Variants in GSG1L observed in about 807,000 individuals in gnomAD.
GSG1L encodes the protein germ cell-specific gene 1-like protein.
In GSG1L, 24 loss-of-function variants were observed where a neutral mutation model predicts 42.1. That is an observed-to-expected ratio of 0.57 (90% CI 0.41 to 0.80). The LOEUF (loss-of-function observed/expected upper bound fraction) is 0.80, where lower values mean the gene tolerates loss of function less well. Ranked by LOEUF, GSG1L falls within the 30% of genes least tolerant of loss-of-function variation. The probability of loss-of-function intolerance (pLI) is 0.00; values close to 1 mark genes in which losing one functional copy is unlikely to be tolerated. For synonymous variants in GSG1L, 215 were observed against 203.5 expected, an observed-to-expected ratio of 1.06 and a Z score of -0.48; for missense variants, 445 against 472.2, an observed-to-expected ratio of 0.94 and a Z score of 0.53.
chr16:28,009,668 A>C lies in GSG1L; in HGVS notation c.350-46465T>G, dbSNP rs534126820. Reference sequence around the variant, plus strand: ...AGCAAACTCAGGACCAAACTCCAGCAAACAGGCTTCCATGAGGCAGGGATG... The same window carrying C: ...AGCAAACTCAGGACCAAACTCCAGCCAACAGGCTTCCATGAGGCAGGGATG... On this transcript the variant is annotated intron_variant, in intron 1 of 6. Coordinates refer to ENST00000447459, the MANE Select transcript of GSG1L (RefSeq NM_001109763.2). Among the ~76,000 whole-genome samples, 5 of 152,346 alleles carry C rather than the reference A, an allele frequency of 3.3e-5. No homozygotes were observed. In the South Asian group the frequency reaches 1.0e-3, roughly 32 times the overall value.
chr16:27,884,056 G>A lies in GSG1L; in HGVS notation c.550+430C>T, dbSNP rs368029956. On this transcript the variant is annotated intron_variant, in intron 3 of 6. Transcript: ENST00000447459. The surrounding 1 kb of genome is among the most constrained non-coding windows in gnomAD (Gnocchi z 4.4). ...GCCAGATGAGCTCAGGAAGAGGAGC[G>A]ACGTGCCCTCCACCCCAAAGTGGCT... Among the ~76,000 whole-genome samples the A allele has an allele frequency of 1.3e-5, 2 of 152,194 alleles. No homozygotes were observed. Among genetic ancestry groups the A allele is most frequent in the Admixed American group, 6.5e-5 (1 of 15,278 alleles).
chr16:27,999,183 G>A (rs974304152), intron 1 of GSG1L, among the ~76,000 whole-genome samples: 1 of 152,110 alleles, frequency 6.6e-6, no homozygotes, highest in Non-Finnish European at 1.5e-5. Flanking sequence ...TGGCTCACAC[G>A]TGTAATCCCA....
At chr16:27,948,325 C>T (rs2084908592) in intron 2 of GSG1L, among the ~76,000 whole-genome samples, 1 of 151,950 alleles carries the variant, frequency 6.6e-6, no homozygotes, top group African/African-American at 2.4e-5. Flanking sequence ...TCAAGTGGGC[C>T]TGGCATGTTG....
intron 2 of GSG1L, among the ~76,000 whole-genome samples, chr16:27,941,452 C>A (rs1011335698): frequency 2.7e-5 from 4 of 148,546 alleles, no homozygotes; most frequent in Non-Finnish European, 5.9e-5. Context: ...GGGTGGATCA[C>A]CTGAGTTCAG....
At chr16:28,030,756 AATGGGATGGGATGGGATGGG>A (rs111808934) in intron 1 of GSG1L, among the ~76,000 whole-genome samples, 2 of 95,888 alleles carry the variant, frequency 2.1e-5, no homozygotes, top group African/African-American at 8.5e-5. Flanking sequence ...GTTAGGATGG[AATGGGATGGGATGGGATGGG>A]ATGGGATGGG....
chr16:27,903,541 G>A (rs2141044709), intron 2 of GSG1L, among the ~76,000 whole-genome samples: 1 of 152,328 alleles, frequency 6.6e-6, no homozygotes, highest in African/African-American at 2.4e-5. Flanking sequence ...AAAGGGGGCT[G>A]CAGAACGCCC....
At chr16:27,803,766 C>CATATAGATATAT (rs2082911191) in intron 6 of GSG1L, among the ~76,000 whole-genome samples, 1 of 117,912 alleles carries the variant, frequency 8.5e-6, no homozygotes, top group Non-Finnish European at 1.8e-5. Flanking sequence ...ACAGTGCAGA[C>CATATAGATATAT]ATATATATAT....
At chr16:27,902,287 A>T (rs983837898) in intron 2 of GSG1L, among the ~76,000 whole-genome samples, 5 of 152,104 alleles carry the variant, frequency 3.3e-5, no homozygotes, top group Admixed American at 3.3e-4. Context: ...GAGGGAAAAA[A>T]CTGCTTCCAG....
At chr16:28,019,928 C>T (rs1275603888) in intron 1 of GSG1L, among the ~76,000 whole-genome samples, 1 of 152,214 alleles carries the variant, frequency 6.6e-6, no homozygotes, top group Non-Finnish European at 1.5e-5. Flanking sequence ...TATCATCATG[C>T]TCACCTGGTT....
chr16:27,948,609 C>CTA (rs2084914240), intron 2 of GSG1L, among the ~76,000 whole-genome samples: 1 of 116,610 alleles, frequency 8.6e-6, no homozygotes, highest in Non-Finnish European at 1.8e-5. Flanking sequence ...TCTTCTTCTT[C>CTA]TTTTTTTTTT....
At chr16:28,055,045 T>C (rs1023837248) in intron 1 of GSG1L, among the ~76,000 whole-genome samples, 36 of 152,174 alleles carry the variant, frequency 2.4e-4, no homozygotes, top group African/African-American at 8.7e-4. Flanking sequence ...TGTGGGATTT[T>C]AGTTGGTGGC....
intron 2 of GSG1L, among the ~76,000 whole-genome samples, chr16:27,949,752 C>T (rs951705756): frequency 3.9e-5 from 6 of 152,002 alleles, no homozygotes; most frequent in Admixed American, 1.3e-4. Context: ...GATGAAACCC[C>T]GTCTCTACTA....
intron 4 of GSG1L, among the ~76,000 whole-genome samples, chr16:27,839,919 C>T (rs1447148961): frequency 1.3e-5 from 2 of 152,242 alleles, no homozygotes; most frequent in African/African-American, 2.4e-5. Context: ...TTCCTGGTCC[C>T]TGAAGGGGGA....
intron 1 of GSG1L, among the ~76,000 whole-genome samples, chr16:28,006,710 G>C (rs781554883): frequency 2.6e-5 from 4 of 152,126 alleles, no homozygotes; most frequent in Admixed American, 6.5e-5. Context: ...AGTTTGTGGG[G>C]TCATTTATTA....
At chr16:27,901,527 T>G (rs921239818) in intron 2 of GSG1L, among the ~76,000 whole-genome samples, 2 of 152,176 alleles carry the variant, frequency 1.3e-5, no homozygotes, top group Non-Finnish European at 2.9e-5. Flanking sequence ...ATGAAGAATC[T>G]CTGCTACAGG....
At chr16:27,929,679 C>T (rs2084634518) in intron 2 of GSG1L, among the ~76,000 whole-genome samples, 1 of 152,174 alleles carries the variant, frequency 6.6e-6, no homozygotes, top group African/African-American at 2.4e-5. Context: ...ATTACCCTGT[C>T]TAAATTGTGT....
intron 1 of GSG1L, among the ~76,000 whole-genome samples, chr16:27,989,178 A>C (rs2085426008): frequency 6.6e-6 from 1 of 152,180 alleles, no homozygotes; most frequent in Non-Finnish European, 1.5e-5. Flanking sequence ...TCTCTATCAA[A>C]GAGTAAAGGT....
chr16:28,054,172 A>G (rs1596736121), intron 1 of GSG1L, among the ~76,000 whole-genome samples: 1 of 152,126 alleles, frequency 6.6e-6, no homozygotes, highest in South Asian at 2.1e-4. Context: ...ACATGGGACA[A>G]GGCTGCCACG....
chr16:27,992,836 G>C (rs928419511), intron 1 of GSG1L, among the ~76,000 whole-genome samples: 2 of 152,100 alleles, frequency 1.3e-5, no homozygotes, highest in African/African-American at 2.4e-5. Flanking sequence ...TGGGTGACTT[G>C]AGATCTCATC....
Sources: allele counts gnomAD v4.1 joint callset (sites outside exome capture counted in the v4.1 genomes callset), GRCh38; gene constraint gnomAD v4.1.1; non-coding constraint Gnocchi (gnomAD v3.1); transcripts MANE v1.5; gene names NCBI Gene and HGNC (gene_info 2026-07-23, HGNC 2026-07-21).